SMYD3: variants seen among roughly 807,000 people sequenced by gnomAD.
SMYD3 encodes SET and MYND domain containing 3, also known as histone-lysine N-methyltransferase SMYD3.
A neutral mutation model predicts 57.7 loss-of-function variants in SMYD3; 36 were observed. The ratio of observed to expected loss-of-function variants is 0.62; its 90% CI spans 0.48 to 0.82. The LOEUF is 0.82. SMYD3 is among the 40% of genes least tolerant of loss of function. SMYD3 has a pLI of 0.00. For synonymous variants in SMYD3, 211 were observed against 195.0 expected (o/e 1.08, Z -0.68); for missense variants, 515 against 538.8 (o/e 0.96, Z 0.44).
chr1:245,784,855 T>TC (rs1468302331), intron 10 of SMYD3, among the ~76,000 whole-genome samples: 2 of 149,506 alleles, frequency 1.3e-5, no homozygotes, highest in East Asian at 3.9e-4. Context: ...TTTTTTTTTT[T>TC]TTTTTTTTTT....
intron 5 of SMYD3, among the ~76,000 whole-genome samples, chr1:246,186,562 T>TC (rs1298648919): frequency 6.6e-6 from 1 of 151,978 alleles, no homozygotes; most frequent in African/African-American, 2.4e-5. Context: ...GTGGGTGAAT[T>TC]CAAAAAACAG....
intron 5 of SMYD3, among the ~76,000 whole-genome samples, chr1:246,043,186 T>G (rs1026858059): frequency 6.6e-6 from 1 of 152,208 alleles, no homozygotes; most frequent in African/African-American, 2.4e-5. Flanking sequence ...CTACCTTTCA[T>G]GTAAAAACAA....
chr1:246,248,856 T>C (rs1628291), intron 5 of SMYD3, among the ~76,000 whole-genome samples: 43,376 of 132,488 alleles, frequency 0.33, 7,898 homozygotes, highest in East Asian at 0.78. Flanking sequence ...TGGGGTTTCA[T>C]CGTGTTAGCC....
At chr1:246,500,806 C>T (rs943368475) in intron 1 of SMYD3, among the ~76,000 whole-genome samples, 15 of 152,202 alleles carry the variant, frequency 9.9e-5, no homozygotes, top group South Asian at 2.1e-4. Flanking sequence ...TGATTAAGAA[C>T]GCCCTCTGCT....
At chr1:246,249,393 C>T (rs1223771610) in intron 5 of SMYD3, among the ~76,000 whole-genome samples, 2 of 152,088 alleles carry the variant, frequency 1.3e-5, no homozygotes, top group Non-Finnish European at 1.5e-5. Context: ...CATGAGCCAC[C>T]GTACCTGGCC....
intron 10 of SMYD3, among the ~76,000 whole-genome samples, chr1:245,830,335 G>A (rs1315414485): frequency 1.3e-5 from 2 of 152,160 alleles, no homozygotes; most frequent in African/African-American, 4.8e-5. Context: ...CGTCCTACAT[G>A]GCGGCAGGCA....
intron 7 of SMYD3, among the ~76,000 whole-genome samples, chr1:245,923,250 T>A (rs1412153838): frequency 1.3e-5 from 2 of 151,816 alleles, no homozygotes; most frequent in African/African-American, 4.8e-5. Context: ...GTGTTTTATG[T>A]ATAGTACATA....
At chr1:246,379,422 C>A (rs2066351872) in intron 1 of SMYD3, among the ~76,000 whole-genome samples, 1 of 151,996 alleles carries the variant, frequency 6.6e-6, no homozygotes, top group South Asian at 2.1e-4. Flanking sequence ...ATAGATTAAA[C>A]AATACTAATA....
intron 5 of SMYD3, among the ~76,000 whole-genome samples, chr1:246,043,645 T>A (rs1314955928): frequency 6.6e-6 from 1 of 152,202 alleles, no homozygotes; most frequent in Non-Finnish European, 1.5e-5. Context: ...AGACACCAGA[T>A]GATAATTTGA....
At chr1:246,067,135 A>C (rs1285001446) in intron 5 of SMYD3, among the ~76,000 whole-genome samples, 1 of 152,236 alleles carries the variant, frequency 6.6e-6, no homozygotes, top group Non-Finnish European at 1.5e-5. Context: ...TAAAAGAATA[A>C]GAAGGACTGT....
chr1:246,192,402 C>G (rs889128877), intron 5 of SMYD3, among the ~76,000 whole-genome samples: 2 of 152,174 alleles, frequency 1.3e-5, no homozygotes, highest in African/African-American at 4.8e-5. Context: ...TGTTAAAGCT[C>G]CAAAATAACC....
intron 5 of SMYD3, among the ~76,000 whole-genome samples, chr1:246,005,676 T>G (rs2059156219): frequency 6.6e-6 from 1 of 152,156 alleles, no homozygotes; most frequent in Admixed American, 6.5e-5. Flanking sequence ...TACAGTGATG[T>G]TATAAAAGCA....
At chr1:245,877,600 A>G (rs1324554849) in intron 8 of SMYD3, among the ~76,000 whole-genome samples, 2 of 152,212 alleles carry the variant, frequency 1.3e-5, no homozygotes, top group Non-Finnish European at 2.9e-5. Flanking sequence ...TGAAGAGAAA[A>G]GGAACAATTC....
Position 246,185,113 on chromosome 1 carries a change from A to G in SMYD3, c.531+142088T>C, listed in dbSNP as rs1228816139. 2.0e-5 allele frequency among the ~76,000 whole-genome samples: 3 copies of G among 152,372 alleles called. No homozygotes were observed. In the East Asian group the frequency reaches 5.8e-4, roughly 29 times the overall value. On this transcript the variant is annotated intron_variant, in intron 5 of 11. Coordinates refer to ENST00000490107, the MANE Select transcript of SMYD3 (RefSeq NM_001167740.2). Reference sequence around the variant, plus strand: ...ACAGCCATCATTTTCTATAAGCACTAATGGTGTTATATGCCAAGAATTTTT... The same window carrying G: ...ACAGCCATCATTTTCTATAAGCACTGATGGTGTTATATGCCAAGAATTTTT...
chr1:245,765,973 C>T (rs779549004), intron 10 of SMYD3, among the ~76,000 whole-genome samples: 35 of 152,252 alleles, frequency 2.3e-4, no homozygotes, highest in Non-Finnish European at 4.1e-4. Context: ...CATTCCCTCT[C>T]GCTGAATCTT....
intron 5 of SMYD3, among the ~76,000 whole-genome samples, chr1:245,948,656 C>T (rs920339833): frequency 6.6e-6 from 1 of 151,738 alleles, no homozygotes; most frequent in Non-Finnish European, 1.5e-5. Context: ...CCAAATAGCC[C>T]TTGAATGTCC....
chr1:246,234,406 CA>C (rs2063479540), intron 5 of SMYD3, among the ~76,000 whole-genome samples: 1 of 152,170 alleles, frequency 6.6e-6, no homozygotes, highest in African/African-American at 2.4e-5. Context: ...AGAGGAGAAG[CA>C]CTTCTTCCAT....
chr1:245,798,424 C>CAAATACACACACATACATAACACA (rs1222464601), intron 10 of SMYD3, among the ~76,000 whole-genome samples: 1 of 5,680 alleles, frequency 1.8e-4, no homozygotes, highest in Non-Finnish European at 3.1e-4. Context: ...ACATACACAC[C>CAAATACACACACATACATAACACA]CCCACACACA....
At chr1:246,393,674 TAAAAAAAAA>T (rs796510890) in intron 1 of SMYD3, among the ~76,000 whole-genome samples, 1 of 92,424 alleles carries the variant, frequency 1.1e-5, no homozygotes, top group African/African-American at 4.3e-5. Context: ...CCCCCATCTC[TAAAAAAAAA>T]AAAAAAAAAA....
Sources: allele counts gnomAD v4.1 joint callset (sites outside exome capture counted in the v4.1 genomes callset), GRCh38; gene constraint gnomAD v4.1.1; transcripts MANE v1.5; gene names NCBI Gene and HGNC (gene_info 2026-07-23, HGNC 2026-07-21).